Variants in SLC35F1 observed in about 807,000 individuals in gnomAD.
SLC35F1 encodes the protein solute carrier family 35 member F1.
SLC35F1 carries 14 observed loss-of-function variants against 48.7 expected under a neutral mutation model. The ratio of observed to expected loss-of-function variants is 0.29; its 90% confidence interval spans 0.19 to 0.45. The LOEUF (loss-of-function observed/expected upper bound fraction) is 0.45, where lower values mean the gene tolerates loss of function less well. Ranked by LOEUF, SLC35F1 falls within the 20% of genes least tolerant of loss-of-function variation. SLC35F1 has a pLI of 1.00. For missense variants in SLC35F1, 404 were observed against 500.0 expected, an observed-to-expected ratio of 0.81 and a Z score of 1.83; for synonymous variants, 190 against 202.2, an observed-to-expected ratio of 0.94 and a Z score of 0.51.
At chr6:118,295,062 G>A (rs1056815891) in intron 7 of SLC35F1, among the ~76,000 whole-genome samples, 1 of 152,098 alleles carries the variant, frequency 6.6e-6, no homozygotes, top group Admixed American at 6.6e-5. Context: ...GACATCCTAT[G>A]AGGACAGGTG....
chr6:118,018,373 A>G lies in SLC35F1; in HGVS notation c.173+110474A>G, dbSNP rs183662063. On this transcript the variant is annotated intron_variant, in intron 1 of 7. Coordinates refer to ENST00000360388, the MANE Select transcript of SLC35F1 (RefSeq NM_001029858.4). ...ATGACACAGAAAGACTCTGTCTCGG[A>G]AAAAAAAAGAAAAAAGAAAAAAAGG... Among the ~76,000 whole-genome samples, 1,102 of 151,450 alleles carry G rather than the reference A, an allele frequency of 7.3e-3. 12 individuals carry two copies. The highest frequency in any genetic ancestry group is 0.024 in the Middle Eastern group (7 of 290).
Position 118,121,504 on chromosome 6 carries a change from A to T in SLC35F1, c.174-32941A>T, listed in dbSNP as rs533585534. Among the ~76,000 whole-genome samples the T allele has an allele frequency of 7.2e-5, 11 of 152,318 alleles. No homozygotes were observed. In the South Asian group the frequency reaches 2.1e-3, roughly 29 times the overall value. Reference sequence around the variant, plus strand: ...AGAGCAAAGATGTGAACCCAGTGCTATCTGGAAATATTCTTTTCCACTGTA... The same window carrying T: ...AGAGCAAAGATGTGAACCCAGTGCTTTCTGGAAATATTCTTTTCCACTGTA... On this transcript the variant is annotated intron_variant, in intron 1 of 7. Coordinates refer to ENST00000360388, the MANE Select transcript of SLC35F1 (RefSeq NM_001029858.4).
intron 1 of SLC35F1, among the ~76,000 whole-genome samples, chr6:117,942,249 C>A (rs1363109264): frequency 6.6e-6 from 1 of 152,010 alleles, no homozygotes; most frequent in African/African-American, 2.4e-5. Flanking sequence ...GGGATTCTGA[C>A]CTAATTCTAT....
intron 1 of SLC35F1, among the ~76,000 whole-genome samples, chr6:118,001,581 A>G (rs1471937926): frequency 6.6e-6 from 1 of 152,186 alleles, no homozygotes; most frequent in African/African-American, 2.4e-5. Context: ...AATGGCAACA[A>G]AAGCCAAAAT....
At chr6:118,050,337 C>T (rs528419555) in intron 1 of SLC35F1, among the ~76,000 whole-genome samples, 64 of 149,640 alleles carry the variant, frequency 4.3e-4, no homozygotes, top group African/African-American at 1.3e-3. Flanking sequence ...GCACATTGTG[C>T]GCATGTACCC....
At chr6:117,971,540 C>T (rs1437159904) in intron 1 of SLC35F1, among the ~76,000 whole-genome samples, 3 of 152,254 alleles carry the variant, frequency 2.0e-5, no homozygotes, top group African/African-American at 7.2e-5. Flanking sequence ...TTCTGCACTG[C>T]CCTAGCAGAG....
At position 117,907,848 on chromosome 6, in the gene SLC35F1, C is replaced by A. The variant is rs935520327; in HGVS notation, c.122C>A (p.Ser41Tyr). Residue 41 changes from serine (S) to tyrosine (Y), a missense_variant, in exon 1 of 8, where the codon TCC (serine) becomes TAC (tyrosine). This residue lies in a region of SLC35F1 where 98 missense variants were observed against 81.0 expected (regional missense o/e 1.21). Transcript: ENST00000360388. ...AEGSGGGGSL[S>Y]ASSRAGVRQR... Reference sequence around the variant, plus strand: ...GGCAGCGGCGGCGGCGGGAGCCTGTCCGCCTCCTCCCGGGCTGGCGTGCGC... The same window carrying A: ...GGCAGCGGCGGCGGCGGGAGCCTGTACGCCTCCTCCCGGGCTGGCGTGCGC... The A allele has an allele frequency of 4.6e-6, 7 of 1,534,808 alleles. No homozygotes were observed. In the African/African-American group the frequency reaches 8.6e-5, roughly 19 times the overall value.
chr6:118,282,768 C>T (rs554489459), intron 6 of SLC35F1, among the ~76,000 whole-genome samples: 12 of 152,298 alleles, frequency 7.9e-5, no homozygotes, highest in African/African-American at 2.9e-4. Flanking sequence ...TCCTTTCCCT[C>T]ACCACCTACA....
intron 6 of SLC35F1, among the ~76,000 whole-genome samples, chr6:118,281,621 C>T (rs1395962644): frequency 6.6e-6 from 1 of 152,144 alleles, no homozygotes; most frequent in Non-Finnish European, 1.5e-5. Context: ...TGTGATTCTA[C>T]CCCTGCTGGG....
At chr6:117,962,480 A>G (rs868265708) in intron 1 of SLC35F1, among the ~76,000 whole-genome samples, 6 of 152,194 alleles carry the variant, frequency 3.9e-5, no homozygotes, top group African/African-American at 1.4e-4. Context: ...ACCACCACAC[A>G]CACAAACACA....
At chr6:118,212,787 GA>G (rs1468718511) in intron 2 of SLC35F1, among the ~76,000 whole-genome samples, 6 of 149,504 alleles carry the variant, frequency 4.0e-5, no homozygotes, top group Admixed American at 3.3e-4. Context: ...AGGAAGGAAG[GA>G]AGGAAAGAAG....
At chr6:117,964,459 G>C (rs1026631221) in intron 1 of SLC35F1, among the ~76,000 whole-genome samples, 2 of 152,178 alleles carry the variant, frequency 1.3e-5, no homozygotes, top group Middle Eastern at 3.2e-3. Flanking sequence ...TTTGTACACT[G>C]TTCTTTCCTG....
intron 1 of SLC35F1, among the ~76,000 whole-genome samples, chr6:118,024,380 T>C (rs1005885692): frequency 2.6e-4 from 39 of 152,230 alleles, no homozygotes; most frequent in African/African-American, 8.2e-4. Flanking sequence ...AAGAAAAGCA[T>C]ATAATTTTAG....
intron 1 of SLC35F1, among the ~76,000 whole-genome samples, chr6:118,089,086 T>C (rs560184531): frequency 3.3e-5 from 5 of 152,132 alleles, no homozygotes; most frequent in Non-Finnish European, 5.9e-5. Context: ...AACAAGGTAA[T>C]GGCCGTGGAG....
At chr6:118,047,352 C>A (rs1239248424) in intron 1 of SLC35F1, among the ~76,000 whole-genome samples, 1 of 152,160 alleles carries the variant, frequency 6.6e-6, no homozygotes, top group Non-Finnish European at 1.5e-5. Context: ...ATTCCCGTCA[C>A]AAATTTGGTG....
chr6:117,981,637 C>T (rs562347837), intron 1 of SLC35F1, among the ~76,000 whole-genome samples: 1 of 152,122 alleles, frequency 6.6e-6, no homozygotes, highest in South Asian at 2.1e-4. Flanking sequence ...GGCTGAAGTA[C>T]GTGGGACGGC....
intron 1 of SLC35F1, among the ~76,000 whole-genome samples, chr6:118,146,982 T>C (rs1773983344): frequency 1.3e-5 from 2 of 152,348 alleles, no homozygotes; most frequent in African/African-American, 4.8e-5. Context: ...AAGCTCATTA[T>C]GTTAGCCTGA....
At chr6:118,198,546 A>T (rs1774831892) in intron 2 of SLC35F1, among the ~76,000 whole-genome samples, 1 of 152,246 alleles carries the variant, frequency 6.6e-6, no homozygotes, top group Non-Finnish European at 1.5e-5. Flanking sequence ...TTTAAAAAAT[A>T]AAATAACCGC....
intron 1 of SLC35F1, among the ~76,000 whole-genome samples, chr6:118,055,758 C>A (rs1772454163): frequency 6.6e-6 from 1 of 152,198 alleles, no homozygotes; most frequent in African/African-American, 2.4e-5. Context: ...TTTAACCCAA[C>A]TGCAAGGAAG....
Sources: gnomAD v4.1 joint callset for allele counts (sites outside exome capture counted in the v4.1 genomes callset) on GRCh38, gnomAD v4.1.1 for gene constraint, gnomAD v4.1.1 regional missense constraint, MANE v1.5 for transcripts, NCBI Gene and HGNC (gene_info 2026-07-23, HGNC 2026-07-21) for gene names.